Variants in RNF212B observed in about 807,000 individuals in gnomAD.
RNF212B encodes ring finger protein 212B.
In RNF212B, 52 loss-of-function variants were observed where a neutral mutation model predicts 55.5. The ratio of observed to expected loss-of-function variants is 0.94; its 90% CI spans 0.75 to 1.18. The LOEUF (loss-of-function observed/expected upper bound fraction) is 1.18, where lower values mean the gene tolerates loss of function less well. Ranked by LOEUF, RNF212B falls within the 50% of genes most tolerant of loss-of-function variation. The pLI is 0.00. For synonymous variants in RNF212B, 99 were observed against 121.4 expected, an observed-to-expected ratio of 0.82 and a Z score of 1.21; for missense variants, 289 against 350.4, an observed-to-expected ratio of 0.82 and a Z score of 1.40.
At chr14:23,236,733 G>A (rs1390358119), upstream of RNF212B, among the ~76,000 whole-genome samples, 2 of 151,920 alleles carry the variant, frequency 1.3e-5, no homozygotes, top group African/African-American at 2.4e-5. Flanking sequence ...CAATAATTTT[G>A]TAAAGGAAGC....
At chr14:23,242,697 G>A (rs561316691) in intron 2 of RNF212B, among the ~76,000 whole-genome samples, 1 of 152,290 alleles carries the variant, frequency 6.6e-6, no homozygotes, top group South Asian at 2.1e-4. Flanking sequence ...GGAGGTGCTG[G>A]GGTGGTGGCT....
At chr14:23,254,104 C>G (rs553842377) in intron 4 of RNF212B, among the ~76,000 whole-genome samples, 10 of 151,822 alleles carry the variant, frequency 6.6e-5, no homozygotes, top group Non-Finnish European at 1.0e-4. Flanking sequence ...CATAGTAAGA[C>G]CCTTTCTCTT....
chr14:23,265,969 TTG>T (rs1835247069), intron 11 of RNF212B, among the ~76,000 whole-genome samples: 1 of 152,094 alleles, frequency 6.6e-6, no homozygotes, highest in Admixed American at 6.6e-5. Context: ...ATTCCAAAGG[TTG>T]TTTGTTCATT....
intron 11 of RNF212B, among the ~76,000 whole-genome samples, chr14:23,266,596 T>C (rs774034392): frequency 9.3e-5 from 14 of 151,256 alleles, no homozygotes; most frequent in African/African-American, 1.5e-4. Flanking sequence ...GTATTTTTAG[T>C]AGACACGGGG....
chr14:23,253,348 A>G (rs904024498), intron 4 of RNF212B, among the ~76,000 whole-genome samples: 2 of 152,174 alleles, frequency 1.3e-5, no homozygotes, highest in African/African-American at 4.8e-5. Flanking sequence ...CTTTTACACT[A>G]TAAGTTTTCT....
chr14:23,203,490 T>C (rs1022872354), intron 2 of RNF212B, among the ~76,000 whole-genome samples: 32 of 150,912 alleles, frequency 2.1e-4, no homozygotes, highest in African/African-American at 7.8e-4. Context: ...CCCTTTTTTT[T>C]TTTTTTGAGA....
chr14:23,228,806 G>C (rs571031707), intron 2 of RNF212B, among the ~76,000 whole-genome samples: 8 of 152,294 alleles, frequency 5.3e-5, no homozygotes, highest in African/African-American at 1.9e-4. Flanking sequence ...GAACAGAATA[G>C]AGCATGCAGA....
intron 13 of RNF212B, 124 bp from the exon 14 acceptor site, chr14:23,270,476 C>A: frequency 1.4e-6 from 1 of 690,944 alleles, no homozygotes; most frequent in Non-Finnish European, 2.6e-6. Context: ...TCTTAAATTG[C>A]TGATTGTGTT....
intron 4 of RNF212B, among the ~76,000 whole-genome samples, chr14:23,246,842 T>C (rs903879381): frequency 2.0e-5 from 3 of 152,222 alleles, no homozygotes; most frequent in Admixed American, 6.5e-5. Flanking sequence ...AAGAAGTTTG[T>C]ATTTTAAAAA....
At chr14:23,203,141 C>T (rs1240526985) in intron 2 of RNF212B, among the ~76,000 whole-genome samples, 1 of 151,846 alleles carries the variant, frequency 6.6e-6, no homozygotes, top group Non-Finnish European at 1.5e-5. Flanking sequence ...CAACCCTCAC[C>T]CCCAAGATCC....
At chr14:23,259,843 C>T in intron 5 of RNF212B, 41 bp from the exon 6 acceptor site, 1 of 1,196,978 alleles carries the variant, frequency 8.4e-7, no homozygotes, top group Non-Finnish European at 1.2e-6. Context: ...GGTTTTTAAT[C>T]CCTGATTTGC....
At chr14:23,244,802 C>T (rs1416795485) in intron 4 of RNF212B, among the ~76,000 whole-genome samples, 4 of 152,156 alleles carry the variant, frequency 2.6e-5, no homozygotes, top group African/African-American at 7.2e-5. Context: ...ACTAAGTTTA[C>T]GAGAGTATTT....
intron 13 of RNF212B, 56 bp downstream of exon 13, chr14:23,270,016 A>T: frequency 1.1e-6 from 1 of 951,380 alleles, no homozygotes. Context: ...CACATATACT[A>T]AAATGAAGAT....
intron 2 of RNF212B, among the ~76,000 whole-genome samples, chr14:23,194,734 C>CAAAAAAA (rs34019946): frequency 1.7e-4 from 13 of 74,950 alleles, no homozygotes; most frequent in East Asian, 5.1e-4. Context: ...GACTCTGTCT[C>CAAAAAAA]AAAAAAAAAA....
chr14:23,194,848 G>C (rs1041712067), intron 2 of RNF212B, among the ~76,000 whole-genome samples: 1 of 149,066 alleles, frequency 6.7e-6, no homozygotes, highest in African/African-American at 2.5e-5. Context: ...GATTTCTAAA[G>C]AACTGTGCAT....
At chr14:23,190,391 C>G (rs1878012085) in intron 1 of RNF212B, among the ~76,000 whole-genome samples, 1 of 152,220 alleles carries the variant, frequency 6.6e-6, no homozygotes, top group South Asian at 2.1e-4. Context: ...CCGCTCCAAA[C>G]CTGATTTTTG....
At chr14:23,222,363 G>T (rs1400188468) in intron 2 of RNF212B, among the ~76,000 whole-genome samples, 1 of 152,060 alleles carries the variant, frequency 6.6e-6, no homozygotes, top group Non-Finnish European at 1.5e-5. Context: ...ACAACTATAT[G>T]TCAATAAATT....
intron 2 of RNF212B, among the ~76,000 whole-genome samples, chr14:23,229,220 T>TTATA (rs61656270): frequency 0.092 from 5,720 of 62,392 alleles, 556 homozygotes; most frequent in South Asian, 0.13. Flanking sequence ...GAATAATATT[T>TTATA]TATATATATA....
At chr14:23,247,256 G>A (rs1488911078) in intron 4 of RNF212B, among the ~76,000 whole-genome samples, 1 of 151,600 alleles carries the variant, frequency 6.6e-6, no homozygotes, top group Non-Finnish European at 1.5e-5. Flanking sequence ...TTATTGAGAT[G>A]TAATTTACAT....
Sources: allele counts gnomAD v4.1 joint callset (sites outside exome capture counted in the v4.1 genomes callset), GRCh38; gene constraint gnomAD v4.1.1; transcripts MANE v1.5; gene names NCBI Gene and HGNC (gene_info 2026-07-23, HGNC 2026-07-21).